The following TLR3 variants were observed in gnomAD, a reference collection of about 807,000 sequenced individuals.
The protein encoded by TLR3 is toll-like receptor 3.
TLR3 carries 43 observed loss-of-function variants against 66.4 expected under a neutral mutation model. The observed-to-expected ratio is 0.65, with a 90% CI of 0.51 to 0.83. The LOEUF (loss-of-function observed/expected upper bound fraction) is 0.83, where lower values mean the gene tolerates loss of function less well. Ranked by LOEUF, TLR3 falls within the 40% of genes least tolerant of loss-of-function variation. The pLI is 0.00. For synonymous variants in TLR3, 397 were observed against 397.2 expected (o/e 1.00, Z 0.01); for missense variants, 982 against 1,044.6 (o/e 0.94, Z 0.83).
chr4:186,069,670 GGA>G (rs2099301103), intron 1 of TLR3, among the ~76,000 whole-genome samples: 1 of 152,178 alleles, frequency 6.6e-6, no homozygotes, highest in Non-Finnish European at 1.5e-5. Flanking sequence ...TGGCTGGAGG[GGA>G]GACAGGAGCT....
intron 1 of TLR3, among the ~76,000 whole-genome samples, chr4:186,071,073 T>C (rs2150065080): frequency 1.3e-5 from 2 of 152,362 alleles, no homozygotes; most frequent in African/African-American, 4.8e-5. Flanking sequence ...TTCCAGTGGT[T>C]CATGTTACTG....
rs745694858 is a variant in TLR3, at chr4:186,076,952, A to G, written c.333A>G (p.Leu111=). 1.9e-6 allele frequency: 3 copies of G among 1,614,226 alleles called. No homozygotes were observed. The highest frequency in any genetic ancestry group is 4.5e-5 in the East Asian group (2 of 44,884). The part of the protein sequence containing the change: ...LKVLNLQHNE[L]SQLSDKTFAF... ...TTTTGAACCTCCAGCACAATGAGCT[A>G]TCTCAACTTTCTGATAAAACCTTTG... The change falls in exon 2 of 5, where the codon CTA becomes CTG. Residue 111 remains leucine, a synonymous_variant. Transcript: ENST00000296795.
At chr4:186,080,069 G>T (rs1036151929) in intron 3 of TLR3, among the ~76,000 whole-genome samples, 1 of 152,042 alleles carries the variant, frequency 6.6e-6, no homozygotes, top group Non-Finnish European at 1.5e-5. Flanking sequence ...TCTCGGTCCC[G>T]CCAACTGACT....
rs2099303769 is a variant in TLR3 at position 186,082,826 on chromosome 4, C to T, written c.1140C>T (p.Asn380=). 1.2e-6 allele frequency: 2 copies of T among 1,613,894 alleles called. No homozygotes were observed. The highest frequency in any genetic ancestry group is 8.5e-7 in the Non-Finnish European group (1 of 1,179,914). ...IKSNMFTGLI[N]LKYLSLSNSF... Reference sequence around the variant, plus strand: ...GCAATATGTTCACAGGATTGATAAACCTGAAATACTTAAGTCTATCCAACT... The same window carrying T: ...GCAATATGTTCACAGGATTGATAAATCTGAAATACTTAAGTCTATCCAACT... The change falls in exon 4 of 5, where the codon AAC becomes AAT. Residue 380 remains asparagine (N), a synonymous_variant. Coordinates refer to ENST00000296795, the MANE Select transcript of TLR3 (RefSeq NM_003265.3).
rs774695261 is a variant in TLR3, at chr4:186,083,281, T to C, written c.1595T>C (p.Leu532Pro). Residue 532 changes from leucine (L) to proline (P), a missense_variant, in exon 4 of 5, where the codon CTA becomes CCA. Physicochemically the swap from Leu to Pro is moderately conservative, Grantham distance 98. Around this residue, in one of 3 missense-constraint regions of TLR3, gnomAD observed 666 missense variants for 709.0 expected, o/e 0.94. Transcript: ENST00000296795. The surrounding 1 kb of genome is among the most constrained non-coding windows in gnomAD (Gnocchi z 4.0). The part of the protein sequence containing the change: ...NDDMLEGLEK[L>P]EILDLQHNNL... ...GACATGTTGGAGGGTCTTGAGAAAC[T>C]AGAAATTCTCGATTTGCAGCATAAC... is the stretch of plus-strand genomic sequence containing the variant. 6.2e-7 allele frequency: 1 copy of C among 1,614,178 alleles called. No homozygotes were observed. The highest frequency in any genetic ancestry group is 8.5e-7 in the Non-Finnish European group (1 of 1,180,030).
At chr4:186,072,591 T>C (rs913876490) in intron 1 of TLR3, among the ~76,000 whole-genome samples, 1 of 152,206 alleles carries the variant, frequency 6.6e-6, no homozygotes, top group Admixed American at 6.5e-5. Flanking sequence ...GTTACAGGCG[T>C]GAGCCACTGC....
intron 3 of TLR3, among the ~76,000 whole-genome samples, chr4:186,080,307 T>C (rs2099303216): frequency 6.6e-6 from 1 of 152,046 alleles, no homozygotes; most frequent in South Asian, 2.1e-4. Flanking sequence ...AAGACATTTA[T>C]TGTAGTAATC....
At position 186,083,947 on chromosome 4, in the gene TLR3, T is replaced by C. The variant is rs1395864601; in HGVS notation, c.2261T>C (p.Phe754Ser). Residue 754 changes from phenylalanine (F) to serine (S), a missense_variant, in exon 4 of 5, where the codon TTT becomes TCT. By Grantham distance (155) the Phe-to-Ser change is radical. Around this residue, in one of 3 missense-constraint regions of TLR3, gnomAD observed 666 missense variants for 709.0 expected, o/e 0.94. Transcript: ENST00000296795. The surrounding 1 kb of genome is among the most constrained non-coding windows in gnomAD (Gnocchi z 4.0). ...FKEIDRQTEQ[F>S]EYAAYIIHAY... ...GAAATAGACAGACAGACAGAACAGT[T>C]TGAATATGCAGCATATATAATTCAT... 1.9e-6 allele frequency: 3 copies of C among 1,614,168 alleles called. No individual in the cohort carries two copies. Among genetic ancestry groups the C allele is most frequent in the South Asian group, 2.2e-5 (2 of 91,068 alleles).
At chr4:186,081,393 G>A (rs1032081829) in intron 3 of TLR3, among the ~76,000 whole-genome samples, 6 of 152,050 alleles carry the variant, frequency 3.9e-5, no homozygotes, top group Admixed American at 6.6e-5. Context: ...TCTTGTCCCC[G>A]AAGTGAGTCC....
chr4:186,078,782 A>G (rs2099302898), intron 2 of TLR3, 58 bp from the exon 3 acceptor site: 3 of 1,470,448 alleles, frequency 2.0e-6, no homozygotes, highest in African/African-American at 2.8e-5. Flanking sequence ...ACTTACATTT[A>G]AAAGAACTGT....
chr4:186,076,598 G>C lies in TLR3; in HGVS notation c.-7-15G>C, dbSNP rs775098765. 16 of 1,613,256 alleles carry C rather than the reference G, an allele frequency of 9.9e-6. No individual in the cohort carries two copies. The East Asian group carries it at 3.6e-4, about 36-fold the overall frequency. On this transcript the variant is annotated splice_polypyrimidine_tract_variant and intron_variant, in intron 1 of 4. Transcript: ENST00000296795. ...ATTAATGTTGCTCATACTTTTTAAT[G>C]TTTCTTTTCTACAGCAGAATCATGA...
intron 3 of TLR3, among the ~76,000 whole-genome samples, chr4:186,080,692 A>G (rs1482124229): frequency 6.6e-6 from 1 of 152,054 alleles, no homozygotes; most frequent in African/African-American, 2.4e-5. Context: ...CCCGGGTTCA[A>G]GCGATTCTCC....
In TLR3 at chr4:186,076,885, A is replaced by C. The variant is rs967601262; in HGVS notation, c.266A>C (p.Lys89Thr). 5 of 1,614,208 alleles carry C rather than the reference A, an allele frequency of 3.1e-6. No individual in the cohort carries two copies. Among genetic ancestry groups the C allele is most frequent in the Non-Finnish European group, 4.2e-6 (5 of 1,180,040 alleles). ...SLDVGFNTIS[K>T]LEPELCQKLP... is the part of the protein sequence containing the mutation. ...GATGTAGGATTTAACACCATCTCAAAACTGGAGCCAGAATTGTGCCAGAAA... is the reference window on the plus strand; with the variant it reads ...GATGTAGGATTTAACACCATCTCAACACTGGAGCCAGAATTGTGCCAGAAA... The change falls in exon 2 of 5, where the codon AAA becomes ACA. Residue 89 changes from lysine to threonine, a missense_variant. Lys to Thr is a moderately conservative substitution (Grantham distance 78). Around this residue, in one of 3 missense-constraint regions of TLR3, gnomAD observed 313 missense variants for 319.0 expected, o/e 0.98. Coordinates refer to ENST00000296795, the MANE Select transcript of TLR3 (RefSeq NM_003265.3).
chr4:186,075,952 G>A (rs1363849914), intron 1 of TLR3, among the ~76,000 whole-genome samples: 4 of 152,152 alleles, frequency 2.6e-5, no homozygotes, highest in African/African-American at 7.2e-5. Context: ...TCAAGAGATC[G>A]AGACCATCCT....
In TLR3 at chr4:186,082,849, A is replaced by C. The variant is rs1444870741; in HGVS notation, c.1163A>C (p.Asn388Thr). The C allele has an allele frequency of 3.1e-6, 5 of 1,613,378 alleles. No individual in the cohort carries two copies. The highest frequency in any genetic ancestry group is 4.2e-6 in the Non-Finnish European group (5 of 1,179,664). Residue 388 changes from asparagine to threonine, a missense_variant, in exon 4 of 5, where the codon AAC becomes ACC. Transcript: ENST00000296795. The part of the protein sequence containing the change: ...LINLKYLSLS[N>T]SFTSLRTLTN... Reference sequence around the variant, plus strand: ...AACCTGAAATACTTAAGTCTATCCAACTCCTTTACAAGTTTGCGAACTTTG... The same window carrying C: ...AACCTGAAATACTTAAGTCTATCCACCTCCTTTACAAGTTTGCGAACTTTG...
Position 186,082,782 on chromosome 4 carries a change from G to C in TLR3, c.1096G>C (p.Asp366His). Reference protein sequence around the residue: ...CLEHLNMEDNDIPGIKSNMFT... With the variant: ...CLEHLNMEDNHIPGIKSNMFT... ...GGAGCACCTTAACATGGAAGATAAT[G>C]ATATTCCAGGCATAAAAAGCAATAT... Residue 366 changes from aspartate to histidine, a missense_variant, in exon 4 of 5, where the codon GAT becomes CAT. This residue lies in a region of TLR3 where 666 missense variants were observed against 709.0 expected (regional missense o/e 0.94). Transcript: ENST00000296795. 1 of 1,613,916 alleles carries C rather than the reference G, an allele frequency of 6.2e-7. No individual in the cohort carries two copies. Among genetic ancestry groups the C allele is most frequent in the Non-Finnish European group, 8.5e-7 (1 of 1,179,836 alleles).
In TLR3 at chr4:186,076,656, G is replaced by A. The variant is rs1470948740; in HGVS notation, c.37G>A (p.Gly13Ser). Reference protein sequence around the residue: ...QTLPCIYFWGGLLPFGMLCAS... With the variant: ...QTLPCIYFWGSLLPFGMLCAS... Reference sequence around the variant, plus strand: ...TTTGCCTTGTATCTACTTTTGGGGGGGCCTTTTGCCCTTTGGGATGCTGTG... The same window carrying A: ...TTTGCCTTGTATCTACTTTTGGGGGAGCCTTTTGCCCTTTGGGATGCTGTG... The change falls in exon 2 of 5, where the codon GGC (glycine) becomes AGC (serine). Residue 13 changes from glycine to serine, a missense_variant. Coordinates refer to ENST00000296795, the MANE Select transcript of TLR3 (RefSeq NM_003265.3). 11 of 1,614,042 alleles carry A rather than the reference G, an allele frequency of 6.8e-6. No homozygotes were observed. The highest frequency in any genetic ancestry group is 9.3e-6 in the Non-Finnish European group (11 of 1,180,006).
rs1327804552 is a variant in TLR3, at chr4:186,082,680, T to C, written c.994T>C (p.Ser332Pro). 5.0e-6 allele frequency: 8 copies of C among 1,613,980 alleles called. No individual in the cohort carries two copies. The highest frequency in any genetic ancestry group is 6.8e-6 in the Non-Finnish European group (8 of 1,179,878). ...FNVRYLNLKR[S>P]FTKQSISLAS... is the part of the protein sequence containing the mutation. ...TGTGAGGTACCTGAATTTGAAACGGTCTTTTACTAAACAAAGTATTTCCCT... is the reference window on the plus strand; with the variant it reads ...TGTGAGGTACCTGAATTTGAAACGGCCTTTTACTAAACAAAGTATTTCCCT... Residue 332 changes from serine to proline, a missense_variant, in exon 4 of 5, where the codon TCT becomes CCT. Around this residue, in one of 3 missense-constraint regions of TLR3, gnomAD observed 666 missense variants for 709.0 expected, o/e 0.94. Transcript: ENST00000296795.
Position 186,076,867 on chromosome 4 carries a change from G to A in TLR3, c.248G>A (p.Gly83Glu). Residue 83 changes from glycine to glutamate, a missense_variant, in exon 2 of 5, where the codon GGA becomes GAA. Gly to Glu is a moderately conservative substitution (Grantham distance 98, BLOSUM62 -2). Coordinates refer to ENST00000296795, the MANE Select transcript of TLR3 (RefSeq NM_003265.3). ...RYSQLTSLDV[G>E]FNTISKLEPE... ...AGCCAGCTAACTAGCTTGGATGTAG[G>A]ATTTAACACCATCTCAAAACTGGAG... 6.2e-7 allele frequency: 1 copy of A among 1,614,158 alleles called. No homozygotes were observed. Among genetic ancestry groups the A allele is most frequent in the Non-Finnish European group, 8.5e-7 (1 of 1,180,042 alleles).
Sources: allele counts gnomAD v4.1 joint callset (sites outside exome capture counted in the v4.1 genomes callset), GRCh38; gene constraint gnomAD v4.1.1; regional missense constraint gnomAD v4.1.1; non-coding constraint Gnocchi (gnomAD v3.1); transcripts MANE v1.5; gene names NCBI Gene and HGNC (gene_info 2026-07-23, HGNC 2026-07-21).